The following RNF150 variants were observed in gnomAD, a reference collection of about 807,000 sequenced individuals.
RNF150 encodes the protein ring finger protein 150.
RNF150 carries 24 observed loss-of-function variants against 39.3 expected under a neutral mutation model. The observed-to-expected ratio is 0.61, with a 90% CI of 0.44 to 0.86. The LOEUF is 0.86. RNF150 is among the 40% of genes least tolerant of loss of function. The pLI, the probability that RNF150 is intolerant of heterozygous loss-of-function variation, is 0.00. For synonymous variants in RNF150, 255 were observed against 227.3 expected, an observed-to-expected ratio of 1.12 and a Z score of -1.10; for missense variants, 502 against 587.8, an observed-to-expected ratio of 0.85 and a Z score of 1.51.
At chr4:141,140,063 C>CGGCAAGG (rs1727092988) in intron 1 of RNF150, among the ~76,000 whole-genome samples, 1 of 152,160 alleles carries the variant, frequency 6.6e-6, no homozygotes, top group South Asian at 2.1e-4. Flanking sequence ...AGGCCAGGTA[C>CGGCAAGG]TTGCTGTACG....
rs1728763432 is a variant in RNF150, at chr4:140,867,636, C to T, written c.*625G>A. On this transcript the variant is annotated 3_prime_UTR_variant, in exon 7 of 7. Transcript: ENST00000515673. The stretch of plus-strand genomic sequence containing the variant: ...TCTGGCAGCTGGGGTTTTTAAAGGC[C>T]CACTTAGAAGAACTTAGATTCTTAA... 2 of 152,160 alleles carry T rather than the reference C, an allele frequency of 1.3e-5. No homozygotes were observed. The highest frequency in any genetic ancestry group is 4.8e-5 in the African/African-American group (2 of 41,392). The allele number at this position is 152,160 out of a possible 1,614,324, so 9.4% of individuals were successfully genotyped here. A position where few individuals can be genotyped will look rare whatever the true frequency, so the allele number is the denominator to read the frequency against.
intron 1 of RNF150, among the ~76,000 whole-genome samples, chr4:141,013,410 T>C (rs1270275064): frequency 6.6e-6 from 1 of 152,230 alleles, no homozygotes; most frequent in Admixed American, 6.5e-5. Context: ...AGAGGGAATC[T>C]CATTTACAAA....
chr4:140,899,944 T>TTCTCTCTCTCTCTCTC (rs60297205), intron 6 of RNF150, among the ~76,000 whole-genome samples: 1,261 of 109,950 alleles, frequency 0.011, 29 homozygotes, highest in East Asian at 0.05. Flanking sequence ...CTCTCTCACT[T>TTCTCTCTCTCTCTCTC]TCTCTCTCTC....
chr4:140,896,695 AAAAAACAAAAAAAC>A (rs1729960032), intron 6 of RNF150, among the ~76,000 whole-genome samples: 1 of 82,202 alleles, frequency 1.2e-5, no homozygotes, highest in African/African-American at 4.0e-5. Flanking sequence ...AATAAAAAAA[AAAAAACAAAAAAAC>A]AAACAAACAA....
chr4:141,019,773 C>T (rs1735418905), intron 1 of RNF150, among the ~76,000 whole-genome samples: 1 of 152,122 alleles, frequency 6.6e-6, no homozygotes, highest in African/African-American at 2.4e-5. Flanking sequence ...ACAGATGTTT[C>T]CGGCAGCAAG....
intron 1 of RNF150, among the ~76,000 whole-genome samples, chr4:141,004,181 C>G (rs1734780131): frequency 6.6e-6 from 1 of 151,822 alleles, no homozygotes. Context: ...AATACATGAT[C>G]CCTACTTTCA....
intron 1 of RNF150, among the ~76,000 whole-genome samples, chr4:141,206,650 T>C (rs1728380115): frequency 6.6e-6 from 1 of 152,064 alleles, no homozygotes; most frequent in Non-Finnish European, 1.5e-5. Context: ...CTGTGTTACA[T>C]GACCTGGCAA....
intron 1 of RNF150, among the ~76,000 whole-genome samples, chr4:141,163,105 G>C (rs1170773745): frequency 6.6e-6 from 1 of 152,108 alleles, no homozygotes; most frequent in East Asian, 1.9e-4. Flanking sequence ...GGGATGCTCG[G>C]GCTTGGTTGG....
intron 6 of RNF150, among the ~76,000 whole-genome samples, chr4:140,868,906 T>A (rs77657130): frequency 0.011 from 1,727 of 152,214 alleles, 42 homozygotes; most frequent in African/African-American, 0.039. Context: ...GACCAATAAA[T>A]ATAAGGTAAA....
chr4:140,868,303 T>A lies in RNF150; in HGVS notation c.1275A>T (p.Val425=), dbSNP rs61744098. The change falls in exon 7 of 7, where the codon GTA becomes GTT. Residue 425 remains valine, a synonymous_variant. Coordinates refer to ENST00000515673, the MANE Select transcript of RNF150 (RefSeq NM_020724.2). The part of the protein sequence containing the change: ...IMAMEVGLSD[V]ELSTDQDCEE... ...CACAGTCCTGGTCAGTGGAAAGTTC[T>A]ACATCAGACAGTCCAACCTCCATTG... 0.044 allele frequency: 70,846 copies of A among 1,611,254 alleles called. 1,862 individuals are homozygous for A. The highest frequency in any genetic ancestry group is 0.073 in the South Asian group (6,616 of 90,992).
At chr4:141,161,350 G>T (rs550942074) in intron 1 of RNF150, among the ~76,000 whole-genome samples, 1 of 152,178 alleles carries the variant, frequency 6.6e-6, no homozygotes, top group Non-Finnish European at 1.5e-5. Flanking sequence ...TCAAGATGTG[G>T]CTTGGCTTCT....
intron 1 of RNF150, among the ~76,000 whole-genome samples, chr4:141,023,133 T>C (rs1735559267): frequency 6.6e-6 from 1 of 152,210 alleles, no homozygotes; most frequent in Non-Finnish European, 1.5e-5. Flanking sequence ...GTTGTGCATC[T>C]ACAATGCACT....
At chr4:141,205,581 C>T (rs190043912) in intron 1 of RNF150, among the ~76,000 whole-genome samples, 2 of 152,256 alleles carry the variant, frequency 1.3e-5, no homozygotes, top group Admixed American at 1.3e-4. Flanking sequence ...AGGGTTTGTT[C>T]ATGAGTGGGT....
At chr4:141,098,027 C>T (rs1318410059) in intron 1 of RNF150, among the ~76,000 whole-genome samples, 3 of 152,114 alleles carry the variant, frequency 2.0e-5, no homozygotes, top group Admixed American at 2.0e-4. Context: ...TGGGAGGAAT[C>T]ATACACATAT....
chr4:141,177,972 C>T (rs1208033002), intron 1 of RNF150, among the ~76,000 whole-genome samples: 4 of 152,024 alleles, frequency 2.6e-5, no homozygotes, highest in South Asian at 2.1e-4. Context: ...GATAGCTTTA[C>T]GCTTTAGAAA....
chr4:141,198,594 G>A (rs1445367616), intron 1 of RNF150, among the ~76,000 whole-genome samples: 1 of 152,220 alleles, frequency 6.6e-6, no homozygotes, highest in Admixed American at 6.5e-5. Context: ...AAAATGATAA[G>A]TGCAATTAAT....
chr4:141,011,002 A>G (rs1354173512), intron 1 of RNF150, among the ~76,000 whole-genome samples: 2 of 152,142 alleles, frequency 1.3e-5, no homozygotes, highest in African/African-American at 2.4e-5. Context: ...TAACAATGGA[A>G]TACTTTTATC....
chr4:140,911,752 C>G (rs949746655), intron 5 of RNF150, among the ~76,000 whole-genome samples: 1 of 151,952 alleles, frequency 6.6e-6, no homozygotes. Context: ...GATCATTATC[C>G]CTTAAAACTC....
chr4:141,019,026 G>A (rs1735382001), intron 1 of RNF150, among the ~76,000 whole-genome samples: 1 of 123,716 alleles, frequency 8.1e-6, no homozygotes, highest in Non-Finnish European at 1.6e-5. Context: ...CAATCTTACT[G>A]CAAAGAAATA....
Sources: allele counts gnomAD v4.1 joint callset (sites outside exome capture counted in the v4.1 genomes callset), GRCh38; gene constraint gnomAD v4.1.1; transcripts MANE v1.5; gene names NCBI Gene and HGNC (gene_info 2026-07-23, HGNC 2026-07-21).